GRIK4: variants seen among roughly 807,000 people sequenced by gnomAD.
GRIK4 encodes glutamate receptor ionotropic, kainate 4.
GRIK4 carries 40 observed loss-of-function variants against 104.9 expected under a neutral mutation model. That is an observed-to-expected ratio of 0.38 (90% CI 0.30 to 0.50). GRIK4 has a LOEUF of 0.50. Among genes scored for constraint, GRIK4 ranks in the 20% least tolerant of loss-of-function variants. The pLI, the probability that GRIK4 is intolerant of heterozygous loss-of-function variation, is 0.93. For synonymous variants in GRIK4, 485 were observed against 524.9 expected (o/e 0.92, Z 1.04); for missense variants, 1,047 against 1,308.1 (o/e 0.80, Z 3.08).
intron 1 of GRIK4, among the ~76,000 whole-genome samples, chr11:120,626,121 G>A (rs1046388756): frequency 3.9e-5 from 6 of 152,120 alleles, no homozygotes; most frequent in African/African-American, 1.2e-4. Context: ...AGATGCTTTA[G>A]AAAAAGGATT....
chr11:120,752,446 C>T (rs1951573027), intron 3 of GRIK4, among the ~76,000 whole-genome samples: 1 of 152,128 alleles, frequency 6.6e-6, no homozygotes, highest in South Asian at 2.1e-4. Context: ...GTGGGCAGGC[C>T]CCTGTCTAAG....
chr11:120,985,216 G>A (rs936545657), intron 20 of GRIK4, among the ~76,000 whole-genome samples: 13 of 152,174 alleles, frequency 8.5e-5, no homozygotes, highest in Non-Finnish European at 1.6e-4. Context: ...AATGCACTCA[G>A]CGGCGGCGTG....
chr11:120,979,212 T>C (rs1167951361), intron 19 of GRIK4, among the ~76,000 whole-genome samples: 1 of 152,214 alleles, frequency 6.6e-6, no homozygotes, highest in East Asian at 1.9e-4. Context: ...ATTAAATATC[T>C]CCAAAATGTA....
At chr11:120,537,131 T>C (rs1392038608) in intron 1 of GRIK4, among the ~76,000 whole-genome samples, 9 of 152,332 alleles carry the variant, frequency 5.9e-5, no homozygotes, top group African/African-American at 2.2e-4. Flanking sequence ...GACAGAGGAC[T>C]CAGGGTAACT....
intron 1 of GRIK4, among the ~76,000 whole-genome samples, chr11:120,517,303 G>A (rs1947740822): frequency 6.7e-6 from 1 of 149,376 alleles, no homozygotes; most frequent in East Asian, 1.9e-4. Context: ...GCTGTGGAGG[G>A]TGAAGAGCAG....
At position 120,528,493 on chromosome 11, in the gene GRIK4, A is replaced by G. The variant is rs376620834; in HGVS notation, c.-159+16606A>G. ...GACTGGAGGCTGGCTGAGGGCAGGG[A>G]CTATGGGGGACCCTTCTTTCCTCTG... On this transcript the variant is annotated intron_variant, in intron 1 of 20. Coordinates refer to ENST00000527524, the MANE Select transcript of GRIK4 (RefSeq NM_014619.5). 3.9e-5 allele frequency among the ~76,000 whole-genome samples: 6 copies of G among 152,270 alleles called. No homozygotes were observed. In the East Asian group the frequency reaches 9.7e-4, roughly 24 times the overall value.
Position 120,905,482 on chromosome 11 carries a change from C to T in GRIK4, c.1465C>T (p.Leu489=). 7.4e-7 allele frequency: 1 copy of T among 1,359,578 alleles called. No individual in the cohort carries two copies. The highest frequency in any genetic ancestry group is 9.8e-7 in the Non-Finnish European group (1 of 1,019,926). 84.2% of individuals were successfully genotyped at this position (1,359,578 alleles called of 1,614,324 possible). A position where few individuals can be genotyped will look rare whatever the true frequency, so the allele number is the denominator to read the frequency against. ...NGTWTGMVGE[L]IARKADLAVA... is the part of the protein sequence containing the mutation. ...CACCTGGACGGGAATGGTCGGGGAG[C>T]TGATCGCTAGGGTAAGGAGAGGACA... Residue 489 remains leucine, a synonymous_variant, in exon 13 of 21, where the codon CTG becomes TTG. Coordinates refer to ENST00000527524, the MANE Select transcript of GRIK4 (RefSeq NM_014619.5). This position sits in a 1 kb window ranked among gnomAD's most constrained non-coding sequence, Gnocchi z 5.1.
Position 120,522,876 on chromosome 11 carries a change from C to T in GRIK4, c.-159+10989C>T, listed in dbSNP as rs115807696. ...GCTGCGCTGAGGGTTGTCACACATCCGTTCTTTAGCATGTTTCCAGAGTGC... is the reference window on the plus strand; with the variant it reads ...GCTGCGCTGAGGGTTGTCACACATCTGTTCTTTAGCATGTTTCCAGAGTGC... On this transcript the variant is annotated intron_variant, in intron 1 of 20. Transcript: ENST00000527524. 4.1e-3 allele frequency among the ~76,000 whole-genome samples: 626 copies of T among 152,222 alleles called. 4 individuals carry two copies. The highest frequency in any genetic ancestry group is 0.014 in the African/African-American group (596 of 41,520).
At position 120,962,579 on chromosome 11, in the gene GRIK4, C is replaced by T; in HGVS notation, c.2164C>T (p.Leu722=). Residue 722 remains leucine, a synonymous_variant, in exon 18 of 21, where the codon CTG becomes TTG. Transcript: ENST00000527524. ...RVLNSNYAFL[L]ESTMNEYYRQ... ...GTTGAATTCCAACTACGCCTTCCTC[C>T]TGGAATCCACCATGAACGAGTACTA... 6.2e-7 allele frequency: 1 copy of T among 1,614,004 alleles called. No individual in the cohort carries two copies. Among genetic ancestry groups the T allele is most frequent in the Non-Finnish European group, 8.5e-7 (1 of 1,179,896 alleles).
chr11:120,558,569 C>G (rs1357686557), intron 1 of GRIK4, among the ~76,000 whole-genome samples: 1 of 152,180 alleles, frequency 6.6e-6, no homozygotes, highest in Non-Finnish European at 1.5e-5. Context: ...GCCTGGGCGA[C>G]AGAGCGAGAC....
At position 120,986,262 on chromosome 11, in the gene GRIK4, C is replaced by G. The variant is rs1944749758; in HGVS notation, c.*2C>G. Reference sequence around the variant, plus strand: ...ACCAACAGCAGCGAGCCCGAGTAGTCCCGGAGGCCACAGGACGCGCAGAGG... The same window carrying G: ...ACCAACAGCAGCGAGCCCGAGTAGTGCCGGAGGCCACAGGACGCGCAGAGG... On this transcript the variant is annotated 3_prime_UTR_variant, in exon 21 of 21. Coordinates refer to ENST00000527524, the MANE Select transcript of GRIK4 (RefSeq NM_014619.5). 1.3e-6 allele frequency: 2 copies of G among 1,555,480 alleles called. No homozygotes were observed. Among genetic ancestry groups the G allele is most frequent in the Non-Finnish European group, 1.7e-6 (2 of 1,161,098 alleles).
chr11:120,651,758 A>G lies in GRIK4; in HGVS notation c.-158-1927A>G, dbSNP rs144402178. The stretch of plus-strand genomic sequence containing the variant: ...GGAGCATCTCCTCATGGGAATTCCT[A>G]AAGGCCAGGGACACCTGGGCTGATC... On this transcript the variant is annotated intron_variant, in intron 1 of 20. Transcript: ENST00000527524. Among the ~76,000 whole-genome samples, 195 of 152,280 alleles carry G rather than the reference A, an allele frequency of 1.3e-3. 1 individual carries two copies. The highest frequency in any genetic ancestry group is 4.5e-3 in the African/African-American group (189 of 41,550).
Position 120,940,590 on chromosome 11 carries a change from T to C in GRIK4, c.1590+130T>C. 1.6e-6 allele frequency: 1 copy of C among 630,478 alleles called. No homozygotes were observed. The highest frequency in any genetic ancestry group is 2.7e-6 in the Non-Finnish European group (1 of 364,908). The allele number at this position is 630,478 out of a possible 1,614,324, so 39.1% of individuals were successfully genotyped here. On this transcript the variant is annotated intron_variant, in intron 14 of 20. Coordinates refer to ENST00000527524, the MANE Select transcript of GRIK4 (RefSeq NM_014619.5). The surrounding 1 kb of genome is among the most constrained non-coding windows in gnomAD (Gnocchi z 4.3). Reference sequence around the variant, plus strand: ...AGACTTAAATGCAAATGTGCTGGGCTATTTTTTCTCCTATCATCTGCACGA... The same window carrying C: ...AGACTTAAATGCAAATGTGCTGGGCCATTTTTTCTCCTATCATCTGCACGA...
intron 3 of GRIK4, among the ~76,000 whole-genome samples, chr11:120,771,390 T>C (rs1951939538): frequency 6.6e-6 from 1 of 152,220 alleles, no homozygotes; most frequent in African/African-American, 2.4e-5. Context: ...TATTGTAATA[T>C]AGAAGGTCTA....
chr11:120,520,108 G>A (rs1947779254), intron 1 of GRIK4, among the ~76,000 whole-genome samples: 2 of 151,954 alleles, frequency 1.3e-5, no homozygotes, highest in South Asian at 4.2e-4. Context: ...GGCCAGGCTG[G>A]TCTCAAACTC....
At chr11:120,848,370 C>G (rs1953899421) in intron 8 of GRIK4, among the ~76,000 whole-genome samples, 1 of 152,240 alleles carries the variant, frequency 6.6e-6, no homozygotes, top group African/African-American at 2.4e-5. Flanking sequence ...CTTATGCTAA[C>G]AGTACCTAGC....
At chr11:120,974,708 A>G (rs1591350913) in intron 19 of GRIK4, among the ~76,000 whole-genome samples, 1 of 152,056 alleles carries the variant, frequency 6.6e-6, no homozygotes, top group Non-Finnish European at 1.5e-5. Context: ...CCACAATATT[A>G]CCCCTTCGCT....
rs139223897 is a variant in GRIK4 at position 120,815,291 on chromosome 11, C to T, written c.248-87C>T. 455 of 734,198 alleles carry T rather than the reference C, an allele frequency of 6.2e-4. 1 individual carries two copies. In the African/African-American group the frequency reaches 7.0e-3, roughly 11 times the overall value. 45.5% of individuals were successfully genotyped at this position (734,198 alleles called of 1,614,324 possible). On this transcript the variant is annotated intron_variant, in intron 4 of 20. Transcript: ENST00000527524. ...GGGTGTGCAGAAGGTGAGGGGGCAG[C>T]GGGTGAAGAGGAGAGGACTGGGCCA...
chr11:120,605,051 G>T (rs1332496768), intron 1 of GRIK4, among the ~76,000 whole-genome samples: 1 of 152,152 alleles, frequency 6.6e-6, no homozygotes, highest in Non-Finnish European at 1.5e-5. Context: ...GCCCAGGCTG[G>T]TCTTGAACTC....
Sources: allele counts gnomAD v4.1 joint callset (sites outside exome capture counted in the v4.1 genomes callset), GRCh38; gene constraint gnomAD v4.1.1; non-coding constraint Gnocchi (gnomAD v3.1); transcripts MANE v1.5; gene names NCBI Gene and HGNC (gene_info 2026-07-23, HGNC 2026-07-21).